Variants in CDH18 observed in about 807,000 individuals in gnomAD.
CDH18 encodes the protein cadherin 18.
CDH18 carries 31 observed loss-of-function variants against 67.9 expected under a neutral mutation model. The observed-to-expected ratio is 0.46, with a 90% CI of 0.34 to 0.62. CDH18 has a LOEUF of 0.62. Among genes scored for constraint, CDH18 ranks in the 20% least tolerant of loss-of-function variants. The probability of loss-of-function intolerance (pLI) is 0.01; values close to 1 mark genes in which losing one functional copy is unlikely to be tolerated. For missense variants in CDH18, 890 were observed against 975.5 expected (o/e 0.91, Z 1.17); for synonymous variants, 362 against 347.2 (o/e 1.04, Z -0.48).
At chr5:19,655,965 A>C (rs1756310270) in intron 5 of CDH18, among the ~76,000 whole-genome samples, 1 of 148,350 alleles carries the variant, frequency 6.7e-6, no homozygotes, top group African/African-American at 2.5e-5. Context: ...GAGAGAAGAG[A>C]TACTTTTAGT....
chr5:19,975,213 A>AT (rs1323802094), intron 2 of CDH18, among the ~76,000 whole-genome samples: 3 of 152,098 alleles, frequency 2.0e-5, no homozygotes, highest in Non-Finnish European at 2.9e-5. Context: ...AATTTCTATG[A>AT]TTTTTTCAGC....
At chr5:20,415,302 G>A (rs1169619016) in intron 1 of CDH18, among the ~76,000 whole-genome samples, 3 of 151,928 alleles carry the variant, frequency 2.0e-5, no homozygotes, top group Admixed American at 6.6e-5. Context: ...CAGGTGAATT[G>A]CTGGAACTTG....
chr5:20,468,329 AT>A (rs1751809372), intron 1 of CDH18, among the ~76,000 whole-genome samples: 1 of 152,052 alleles, frequency 6.6e-6, no homozygotes, highest in East Asian at 1.9e-4. Flanking sequence ...TTACTTTCTA[AT>A]TGCCAATACA....
At chr5:19,563,322 G>A (rs1739781494) in intron 8 of CDH18, among the ~76,000 whole-genome samples, 1 of 152,100 alleles carries the variant, frequency 6.6e-6, no homozygotes, top group Admixed American at 6.6e-5. Flanking sequence ...TTGAACTTTA[G>A]TTTCTTCATC....
chr5:19,471,591 G>A lies in CDH18; in HGVS notation c.*1635C>T, dbSNP rs1737656493. Among the ~76,000 whole-genome samples the A allele has an allele frequency of 6.9e-6, 1 of 145,912 alleles. No homozygotes were observed. Among genetic ancestry groups the A allele is most frequent in the Non-Finnish European group, 1.6e-5 (1 of 64,486 alleles). On this transcript the variant is annotated 3_prime_UTR_variant, in exon 13 of 13. Coordinates refer to ENST00000382275, the MANE Select transcript of CDH18 (RefSeq NM_004934.5). ...TTCAATATTTCTGAAATATATAGATGTGGCCAGTTTTAGAAAATAGGACCA... is the reference window on the plus strand; with the variant it reads ...TTCAATATTTCTGAAATATATAGATATGGCCAGTTTTAGAAAATAGGACCA...
intron 5 of CDH18, among the ~76,000 whole-genome samples, chr5:19,667,509 C>T (rs867267046): frequency 6.2e-4 from 83 of 134,242 alleles, no homozygotes; most frequent in Non-Finnish European, 1.0e-3. Flanking sequence ...TATATATATA[C>T]ACACACACAC....
At chr5:20,228,390 G>A (rs1741805901) in intron 2 of CDH18, among the ~76,000 whole-genome samples, 1 of 151,954 alleles carries the variant, frequency 6.6e-6, no homozygotes, top group Admixed American at 6.6e-5. Context: ...ACAACATGAT[G>A]TATTAAAGTA....
At chr5:20,370,021 A>C (rs2150083214) in intron 1 of CDH18, among the ~76,000 whole-genome samples, 1 of 152,244 alleles carries the variant, frequency 6.6e-6, no homozygotes, top group East Asian at 1.9e-4. Flanking sequence ...TGTTGTCTAA[A>C]ATTTCCATTT....
chr5:20,024,044 G>A (rs1340660195), intron 2 of CDH18, among the ~76,000 whole-genome samples: 2 of 152,198 alleles, frequency 1.3e-5, no homozygotes, highest in African/African-American at 4.8e-5. Context: ...GCTAATTGGA[G>A]TGAGTGTTAA....
At chr5:20,352,289 A>G (rs2150058864) in intron 1 of CDH18, among the ~76,000 whole-genome samples, 1 of 151,986 alleles carries the variant, frequency 6.6e-6, no homozygotes, top group African/African-American at 2.4e-5. Context: ...AATAGTCAAC[A>G]TATTTTCTCT....
At chr5:19,584,259 C>T (rs1035646465) in intron 7 of CDH18, among the ~76,000 whole-genome samples, 1 of 152,092 alleles carries the variant, frequency 6.6e-6, no homozygotes, top group African/African-American at 2.4e-5. Flanking sequence ...ACACCATGCA[C>T]CAGTGAATTC....
At chr5:19,650,368 T>C (rs1755392785) in intron 5 of CDH18, among the ~76,000 whole-genome samples, 1 of 152,118 alleles carries the variant, frequency 6.6e-6, no homozygotes, top group Non-Finnish European at 1.5e-5. Flanking sequence ...AACAGTCACT[T>C]TTGTTAACTA....
intron 2 of CDH18, among the ~76,000 whole-genome samples, chr5:19,952,867 A>G (rs1353933346): frequency 3.9e-5 from 6 of 152,164 alleles, no homozygotes; most frequent in Non-Finnish European, 8.8e-5. Flanking sequence ...CAGTTGTTCA[A>G]TTGCTTGAAA....
chr5:19,859,829 G>A (rs1245658247), intron 2 of CDH18, among the ~76,000 whole-genome samples: 1 of 152,114 alleles, frequency 6.6e-6, no homozygotes, highest in Non-Finnish European at 1.5e-5. Context: ...CATGTTCTCA[G>A]GATGCCCTGA....
intron 9 of CDH18, among the ~76,000 whole-genome samples, chr5:19,530,070 C>T (rs1748351039): frequency 6.6e-6 from 1 of 152,030 alleles, no homozygotes; most frequent in South Asian, 2.1e-4. Flanking sequence ...AATCATAGCA[C>T]CGTAGTATTA....
At chr5:19,843,255 T>A (rs1447908769) in intron 2 of CDH18, among the ~76,000 whole-genome samples, 1 of 152,190 alleles carries the variant, frequency 6.6e-6, no homozygotes, top group East Asian at 1.9e-4. Flanking sequence ...AGTGCCTTGC[T>A]GCTTTGTGCA....
chr5:19,655,316 C>A (rs577844314), intron 5 of CDH18, among the ~76,000 whole-genome samples: 19 of 151,862 alleles, frequency 1.3e-4, no homozygotes, highest in Non-Finnish European at 2.1e-4. Context: ...CATTTGAAAT[C>A]ATCTTTTAAT....
intron 2 of CDH18, among the ~76,000 whole-genome samples, chr5:20,250,351 C>T (rs1273726344): frequency 2.0e-5 from 3 of 150,032 alleles, no homozygotes; most frequent in African/African-American, 4.9e-5. Flanking sequence ...GGAGTGCAGC[C>T]GTGCGATCAA....
chr5:19,761,568 A>G (rs547520456), intron 3 of CDH18, among the ~76,000 whole-genome samples: 32 of 152,280 alleles, frequency 2.1e-4, no homozygotes, highest in African/African-American at 7.5e-4. Flanking sequence ...AACCCAAAAA[A>G]AAACTGCCCA....
Sources: gnomAD v4.1 joint callset for allele counts (sites outside exome capture counted in the v4.1 genomes callset) on GRCh38, gnomAD v4.1.1 for gene constraint, MANE v1.5 for transcripts, NCBI Gene and HGNC (gene_info 2026-07-23, HGNC 2026-07-21) for gene names.